MLIP: variants seen among roughly 807,000 people sequenced by gnomAD.
The protein encoded by MLIP is muscular LMNA interacting protein, also known as muscular LMNA-interacting protein.
Under a neutral mutation model 84.8 loss-of-function variants are expected in MLIP, and 79 were observed. That is an observed-to-expected ratio of 0.93 (90% confidence interval 0.78 to 1.12). The LOEUF (loss-of-function observed/expected upper bound fraction) is 1.12, where lower values mean the gene tolerates loss of function less well. Ranked by LOEUF, MLIP falls within the 50% of genes most tolerant of loss-of-function variation. The pLI, the probability that MLIP is intolerant of heterozygous loss-of-function variation, is 0.00. For synonymous variants in MLIP, 504 were observed against 463.0 expected, an observed-to-expected ratio of 1.09 and a Z score of -1.14; for missense variants, 1,257 against 1,160.6, an observed-to-expected ratio of 1.08 and a Z score of -1.21.
intron 3 of MLIP, among the ~76,000 whole-genome samples, chr6:54,132,598 T>C (rs766134687): frequency 1.3e-5 from 2 of 152,138 alleles, no homozygotes; most frequent in East Asian, 1.9e-4. Context: ...TTGTGGAGAA[T>C]GTAAAGTTTT....
chr6:54,198,049 A>T (rs111822992), intron 10 of MLIP, among the ~76,000 whole-genome samples: 62 of 152,266 alleles, frequency 4.1e-4, no homozygotes, highest in Non-Finnish European at 7.1e-4. Context: ...AGACAAGGCC[A>T]AATGGGTGTC....
chr6:54,153,737 A>G (rs1773713483), intron 5 of MLIP, among the ~76,000 whole-genome samples: 2 of 151,664 alleles, frequency 1.3e-5, no homozygotes, highest in Admixed American at 1.3e-4. Context: ...CTGTAATCCC[A>G]GCGACTCCAG....
chr6:54,144,110 A>C (rs1772570503), intron 4 of MLIP, among the ~76,000 whole-genome samples: 1 of 152,140 alleles, frequency 6.6e-6, no homozygotes, highest in South Asian at 2.1e-4. Context: ...TATCAGGATC[A>C]TTATAGATTG....
chr6:54,253,951 C>A (rs1223211014), intron 12 of MLIP, among the ~76,000 whole-genome samples: 1 of 151,332 alleles, frequency 6.6e-6, no homozygotes, highest in Admixed American at 6.6e-5. Context: ...TTAAATAATG[C>A]TCTCATGTTA....
chr6:54,130,359 C>A (rs1771276642), intron 3 of MLIP, among the ~76,000 whole-genome samples: 1 of 152,068 alleles, frequency 6.6e-6, no homozygotes, highest in Non-Finnish European at 1.5e-5. Context: ...CAGAACTTGG[C>A]TGGGGAGGTA....
chr6:54,059,359 T>A (rs1365719627), intron 1 of MLIP, among the ~76,000 whole-genome samples: 2 of 152,200 alleles, frequency 1.3e-5, no homozygotes, highest in Non-Finnish European at 2.9e-5. Flanking sequence ...TCCTTGGAAT[T>A]TAGGTGACTG....
chr6:54,022,384 A>G (rs1176578449), intron 1 of MLIP, among the ~76,000 whole-genome samples: 1 of 152,252 alleles, frequency 6.6e-6, no homozygotes, highest in African/African-American at 2.4e-5. Context: ...TCTCTGCAAC[A>G]TATCTTAGGA....
At chr6:54,037,491 G>A (rs1404432764) in intron 1 of MLIP, among the ~76,000 whole-genome samples, 1 of 151,912 alleles carries the variant, frequency 6.6e-6, no homozygotes, top group Non-Finnish European at 1.5e-5. Context: ...GACAGGGAGA[G>A]AGAATGAGAT....
chr6:54,182,708 T>C (rs187114614), intron 9 of MLIP, among the ~76,000 whole-genome samples: 1 of 152,316 alleles, frequency 6.6e-6, no homozygotes, highest in East Asian at 1.9e-4. Context: ...CTTCTAAATG[T>C]TTATCATTTT....
At position 54,153,698 on chromosome 6, in the gene MLIP, A is replaced by C. The variant is rs537651344; in HGVS notation, c.2289+4571A>C. 2.0e-5 allele frequency among the ~76,000 whole-genome samples: 3 copies of C among 151,946 alleles called. No individual in the cohort carries two copies. In the East Asian group the frequency reaches 5.8e-4, roughly 29 times the overall value. On this transcript the variant is annotated intron_variant, in intron 5 of 13. Coordinates refer to ENST00000502396, the MANE Select transcript of MLIP (RefSeq NM_001281747.2). Reference sequence around the variant, plus strand: ...CCCTGTTTCTACTGATAATACAAAAAAAATTTAACTGGGTATGGTGGCAGA... The same window carrying C: ...CCCTGTTTCTACTGATAATACAAAACAAATTTAACTGGGTATGGTGGCAGA...
Position 54,024,496 on chromosome 6 carries a change from G to T in MLIP, c.63+5405G>T, listed in dbSNP as rs376317762. Among the ~76,000 whole-genome samples, 196 of 152,210 alleles carry T rather than the reference G, an allele frequency of 1.3e-3. 1 individual carries two copies. Among genetic ancestry groups the T allele is most frequent in the Non-Finnish European group, 2.4e-3 (162 of 68,022 alleles). ...CAGAGATGCAACCTAGTGCCTATTG[G>T]ATGACAATGTACTCAGAAAAAACAA... is the stretch of plus-strand genomic sequence containing the variant. On this transcript the variant is annotated intron_variant, in intron 1 of 12. Coordinates refer to the MLIP transcript ENST00000274897.
intron 1 of MLIP, among the ~76,000 whole-genome samples, chr6:54,094,699 C>G (rs1768093210): frequency 2.0e-5 from 3 of 151,734 alleles, no homozygotes; most frequent in East Asian, 1.9e-4. Flanking sequence ...AATTTGCTGT[C>G]TATGGCCTAA....
chr6:54,260,487 C>T (rs1234365030), intron 13 of MLIP, among the ~76,000 whole-genome samples: 1 of 151,916 alleles, frequency 6.6e-6, no homozygotes, highest in Non-Finnish European at 1.5e-5. Flanking sequence ...TCAGATTATT[C>T]AAATATGCAT....
chr6:54,261,678 T>A (rs1783402783), intron 13 of MLIP: 2 of 985,100 alleles, frequency 2.0e-6, no homozygotes, highest in Non-Finnish European at 2.4e-6. Flanking sequence ...AAAGCAGCCA[T>A]CCCATTCCTC....
intron 10 of MLIP, among the ~76,000 whole-genome samples, chr6:54,196,725 C>T (rs1399333441): frequency 1.3e-5 from 2 of 152,042 alleles, no homozygotes; most frequent in Admixed American, 6.6e-5. Flanking sequence ...TGAGCACCAA[C>T]CAGGTACAGG....
At chr6:54,100,166 A>G (rs1326300865) in intron 1 of MLIP, among the ~76,000 whole-genome samples, 1 of 152,152 alleles carries the variant, frequency 6.6e-6, no homozygotes, top group Admixed American at 6.6e-5. Context: ...CGTCCCATGT[A>G]TAATTTTATT....
chr6:54,176,298 C>G (rs1776278966), intron 9 of MLIP, among the ~76,000 whole-genome samples: 1 of 150,302 alleles, frequency 6.7e-6, no homozygotes, highest in African/African-American at 2.4e-5. Context: ...TTTTGAATAG[C>G]TTAAGTAGAA....
intron 9 of MLIP, among the ~76,000 whole-genome samples, chr6:54,173,917 T>G (rs1178802161): frequency 1.3e-5 from 2 of 151,376 alleles, no homozygotes; most frequent in African/African-American, 4.9e-5. Flanking sequence ...GTAACCATTC[T>G]TCTGCTCTCT....
rs969781853 is a variant in MLIP, at chr6:54,137,916, C to T, written c.1847C>T (p.Ala616Val). 10 of 1,536,152 alleles carry T rather than the reference C, an allele frequency of 6.5e-6. No individual in the cohort carries two copies. The highest frequency in any genetic ancestry group is 7.0e-6 in the Non-Finnish European group (8 of 1,146,914). ...GAGAAATGTTTCCATCCTTCCCCAG[C>T]TCTTTCAAGCCTGATAAACAGATCT... ...SSEKCFHPSP[A>V]LSSLINRSKR... The change falls in exon 4 of 14, where the codon GCT becomes GTT. Residue 616 changes from alanine to valine, a missense_variant. Physicochemically the swap from Ala to Val is moderately conservative, Grantham distance 64. Coordinates refer to ENST00000502396, the MANE Select transcript of MLIP (RefSeq NM_001281747.2).
Sources: gnomAD v4.1 joint callset for allele counts (sites outside exome capture counted in the v4.1 genomes callset) on GRCh38, gnomAD v4.1.1 for gene constraint, MANE v1.5 for transcripts, NCBI Gene and HGNC (gene_info 2026-07-23, HGNC 2026-07-21) for gene names.